ATP8B1: variants seen among roughly 807,000 people sequenced by gnomAD.
ATP8B1 encodes phospholipid-transporting ATPase IC.
A neutral mutation model predicts 149.9 loss-of-function variants in ATP8B1; 80 were observed. The observed-to-expected ratio is 0.53, with a 90% confidence interval of 0.45 to 0.64. ATP8B1 has a LOEUF of 0.64. Among genes scored for constraint, ATP8B1 ranks in the 30% least tolerant of loss-of-function variants. The probability of loss-of-function intolerance (pLI) is 0.00; values close to 1 mark genes in which losing one functional copy is unlikely to be tolerated. For missense variants in ATP8B1, 1,247 were observed against 1,552.6 expected, an observed-to-expected ratio of 0.80 and a Z score of 3.31; for synonymous variants, 536 against 562.8, an observed-to-expected ratio of 0.95 and a Z score of 0.67.
At chr18:57,650,582 C>G in intron 26 of ATP8B1, 85 bp from the exon 27 acceptor site, 6 of 1,519,178 alleles carry the variant, frequency 3.9e-6, no homozygotes, top group Non-Finnish European at 5.4e-6. Context: ...GTGGCTCATG[C>G]CTGTAATCCT....
intron 12 of ATP8B1, among the ~76,000 whole-genome samples, chr18:57,689,118 G>A (rs1242263272): frequency 3.3e-5 from 5 of 152,254 alleles, no homozygotes; most frequent in Non-Finnish European, 7.3e-5. Flanking sequence ...AGGCACCCAT[G>A]TTCAGAATAC....
intron 14 of ATP8B1, 114 bp from the exon 15 acceptor site, chr18:57,684,306 A>G: frequency 9.0e-7 from 1 of 1,106,138 alleles, no homozygotes; most frequent in Non-Finnish European, 1.3e-6. Context: ...CCACCTTAGG[A>G]TTTTAGCACA....
chr18:57,713,235 C>T (rs1370933397), intron 2 of ATP8B1, among the ~76,000 whole-genome samples: 2 of 129,528 alleles, frequency 1.5e-5, no homozygotes, highest in East Asian at 2.9e-4. Context: ...TTCCTTCCTT[C>T]CTTCCTTCTT....
intron 2 of ATP8B1, among the ~76,000 whole-genome samples, chr18:57,726,355 C>G (rs1212585199): frequency 1.3e-5 from 2 of 152,154 alleles, no homozygotes; most frequent in Non-Finnish European, 2.9e-5. Context: ...CAAATGAGAT[C>G]ACAAGTTAAA....
At chr18:57,706,103 A>G (rs537359441) in intron 3 of ATP8B1, among the ~76,000 whole-genome samples, 1 of 152,342 alleles carries the variant, frequency 6.6e-6, no homozygotes, top group Non-Finnish European at 1.5e-5. Context: ...TGAGTCAAAA[A>G]TATGTTTAAA....
chr18:57,803,155 G>A lies in ATP8B1; in HGVS notation c.-183C>T, dbSNP rs922339288. 1.6e-4 allele frequency: 25 copies of A among 152,356 alleles called. No individual in the cohort carries two copies. Among genetic ancestry groups the A allele is most frequent in the African/African-American group, 5.5e-4 (23 of 41,458 alleles). 9.4% of individuals were successfully genotyped at this position (152,356 alleles called of 1,614,324 possible). On this transcript the variant is annotated 5_prime_UTR_variant, in exon 1 of 28. Coordinates refer to ENST00000648908, the MANE Select transcript of ATP8B1 (RefSeq NM_001374385.1). ...GGGGGCTGGCCGGGGGCCCGGGGAA[G>A]CGTGTCTAGTTGGCGGCGGCACCTC... is the stretch of plus-strand genomic sequence containing the variant.
intron 1 of ATP8B1, among the ~76,000 whole-genome samples, chr18:57,792,432 G>A (rs1008207968): frequency 5.9e-5 from 9 of 151,936 alleles, no homozygotes; most frequent in African/African-American, 2.2e-4. Flanking sequence ...ACAGGTGTGA[G>A]CCACCACACC....
chr18:57,664,265 G>A (rs1910713273), intron 20 of ATP8B1, among the ~76,000 whole-genome samples: 1 of 151,738 alleles, frequency 6.6e-6, no homozygotes, highest in Non-Finnish European at 1.5e-5. Context: ...CCAGCACTTT[G>A]GGAGGCTGAG....
chr18:57,765,557 T>C (rs145262679), intron 1 of ATP8B1, among the ~76,000 whole-genome samples: 300 of 151,504 alleles, frequency 2.0e-3, no homozygotes, highest in African/African-American at 6.3e-3. Context: ...TAGTCCCAGC[T>C]ACTTAGGAGG....
intron 1 of ATP8B1, among the ~76,000 whole-genome samples, chr18:57,761,134 TAA>T (rs1472159408): frequency 2.3e-4 from 32 of 136,858 alleles, no homozygotes; most frequent in Admixed American, 2.1e-3. Context: ...TAAAATAAAA[TAA>T]AATAAAATAA....
At chr18:57,773,295 A>C (rs1167273266) in intron 1 of ATP8B1, among the ~76,000 whole-genome samples, 1 of 152,108 alleles carries the variant, frequency 6.6e-6, no homozygotes, top group Non-Finnish European at 1.5e-5. Context: ...ACAAGAGTGC[A>C]GAAAGTCCTT....
At chr18:57,666,513 A>T (rs317847) in intron 20 of ATP8B1, among the ~76,000 whole-genome samples, 121,641 of 150,676 alleles carry the variant, frequency 0.81, 49,145 homozygotes, top group East Asian at 0.92. Flanking sequence ...TTTTTACGGA[A>T]TTTTTAGTAG....
rs1421663159 is a variant in ATP8B1, at chr18:57,802,157, GAGA to G, written c.-26+838_-26+840del. Among the ~76,000 whole-genome samples, 1 of 152,078 alleles carries G rather than the reference GAGA, an allele frequency of 6.6e-6. No individual in the cohort carries two copies. The highest frequency in any genetic ancestry group is 2.4e-5 in the African/African-American group (1 of 41,390). ...TTCAGAACTTTTCTTTCACTTTGGG[GAGA>G]AGGAGGGAGTTGGAGAAGTGGGGGC... On this transcript the variant is annotated intron_variant, in intron 1 of 27. Coordinates refer to ENST00000648908, the MANE Select transcript of ATP8B1 (RefSeq NM_001374385.1). This position sits in a 1 kb window ranked among gnomAD's most constrained non-coding sequence, Gnocchi z 4.9.
At chr18:57,746,467 C>CTTTTTTTTT (rs71171082) in intron 1 of ATP8B1, among the ~76,000 whole-genome samples, 3 of 94,102 alleles carry the variant, frequency 3.2e-5, no homozygotes, top group Non-Finnish European at 6.1e-5. Context: ...CTGATGCTTA[C>CTTTTTTTTT]TTTTTTTTTT....
Position 57,718,832 on chromosome 18 carries a change from T to TA in ATP8B1, c.182-12246dup, listed in dbSNP as rs561608482. On this transcript the variant is annotated intron_variant, in intron 2 of 27. Transcript: ENST00000648908. ...GATACAATTCAACATCACTTCATGA[T>TA]AAAAAAAATCCTCAAAAAACTGGGT... Among the ~76,000 whole-genome samples, 21 of 152,022 alleles carry TA rather than the reference T, an allele frequency of 1.4e-4. No homozygotes were observed. In the South Asian group the frequency reaches 2.1e-3, roughly 15 times the overall value.
chr18:57,743,194 A>T (rs1330028866), intron 1 of ATP8B1, among the ~76,000 whole-genome samples: 1 of 152,040 alleles, frequency 6.6e-6, no homozygotes, highest in Admixed American at 6.6e-5. Flanking sequence ...AGGGTGATTT[A>T]GCTCCTAGCT....
chr18:57,744,458 T>C (rs1416708309), intron 1 of ATP8B1, among the ~76,000 whole-genome samples: 1 of 152,120 alleles, frequency 6.6e-6, no homozygotes, highest in African/African-American at 2.4e-5. Flanking sequence ...TGGGGCTGGT[T>C]CCCATAGGAT....
intron 1 of ATP8B1, among the ~76,000 whole-genome samples, chr18:57,771,795 T>C (rs556024733): frequency 5.3e-5 from 8 of 152,172 alleles, no homozygotes; most frequent in Admixed American, 2.0e-4. Flanking sequence ...CACTTAGCAG[T>C]GCTGTCAGAA....
chr18:57,730,429 G>A lies in ATP8B1; in HGVS notation c.181+1198C>T, dbSNP rs1175206241. Reference sequence around the variant, plus strand: ...TGTGAATGTGATGCTAAGGTTGTTCGGCTAGAATTTTAGGGAACACCATGG... The same window carrying A: ...TGTGAATGTGATGCTAAGGTTGTTCAGCTAGAATTTTAGGGAACACCATGG... On this transcript the variant is annotated intron_variant, in intron 2 of 27. Transcript: ENST00000648908. 2.0e-5 allele frequency among the ~76,000 whole-genome samples: 3 copies of A among 152,012 alleles called. No homozygotes were observed. The East Asian group carries it at 5.8e-4, about 29-fold the overall frequency.
Sources: allele counts gnomAD v4.1 joint callset (sites outside exome capture counted in the v4.1 genomes callset), GRCh38; gene constraint gnomAD v4.1.1; non-coding constraint Gnocchi (gnomAD v3.1); transcripts MANE v1.5; gene names NCBI Gene and HGNC (gene_info 2026-07-23, HGNC 2026-07-21).